Variants in PHC2 observed in about 807,000 individuals in gnomAD.
The protein encoded by PHC2 is polyhomeotic homolog 2.
In PHC2, 29 loss-of-function variants were observed where a neutral mutation model predicts 87.4. The ratio of observed to expected loss-of-function variants is 0.33; its 90% CI spans 0.25 to 0.45. The LOEUF (loss-of-function observed/expected upper bound fraction) is 0.45. Ranked by LOEUF, PHC2 falls within the 20% of genes least tolerant of loss-of-function variation. PHC2 has a pLI of 1.00. For synonymous variants in PHC2, 438 were observed against 461.7 expected (o/e 0.95, Z 0.66); for missense variants, 857 against 1,136.7 (o/e 0.75, Z 3.54).
Position 33,431,053 on chromosome 1 carries a change from G to A in PHC2, c.-132C>T, listed in dbSNP as rs117439736. On this transcript the variant is annotated 5_prime_UTR_variant, in exon 1 of 15. Transcript: ENST00000683057. ...GCCCCTCAGCCCGCCCCCTCGGCTC[G>A]GCGCCGCGCACCCTGCTGGCTGCTC... The A allele has an allele frequency of 0.21, 31,826 of 150,774 alleles. 5,658 individuals carry two copies. Among genetic ancestry groups the A allele is most frequent in the African/African-American group, 0.49 (20,395 of 41,436 alleles). 9.3% of individuals were successfully genotyped at this position (150,774 alleles called of 1,614,324 possible).
chr1:33,388,529 T>G (rs925341810), intron 1 of PHC2, among the ~76,000 whole-genome samples: 1 of 152,104 alleles, frequency 6.6e-6, no homozygotes, highest in Non-Finnish European at 1.5e-5. Flanking sequence ...TTCACCATGT[T>G]GGTCAGGCTG....
At position 33,364,356 on chromosome 1, in the gene PHC2, CCAGA is replaced by C. The variant is rs1207008906; in HGVS notation, c.976+2756_976+2759del. On this transcript the variant is annotated intron_variant, in intron 7 of 14. Coordinates refer to ENST00000683057, the MANE Select transcript of PHC2 (RefSeq NM_001385109.1). The surrounding 1 kb of genome is among the most constrained non-coding windows in gnomAD (Gnocchi z 4.1). ...TGCGCGCTCGCTTGCTTTCTCTCTC[CCAGA>C]CACACACACACACACACACACACTT... Among the ~76,000 whole-genome samples, 3 of 117,670 alleles carry C rather than the reference CCAGA, an allele frequency of 2.5e-5. No individual in the cohort carries two copies. The highest frequency in any genetic ancestry group is 8.7e-5 in the African/African-American group (3 of 34,666). The allele number at this position is 117,670 out of a possible 152,430, so 77.2% of individuals were successfully genotyped here.
chr1:33,391,999 C>T lies in PHC2; in HGVS notation c.-54-16406G>A, dbSNP rs534771900. 7.1e-4 allele frequency among the ~76,000 whole-genome samples: 108 copies of T among 152,138 alleles called. 1 individual carries two copies. Among genetic ancestry groups the T allele is most frequent in the Non-Finnish European group, 1.0e-4 (7 of 68,022 alleles). ...GGGAGGTTAGAGGCGAGAAAGCCAC[C>T]TGGGGCTAGCACAGAGGGAAAGGAA... On this transcript the variant is annotated intron_variant, in intron 1 of 14. Transcript: ENST00000683057.
At chr1:33,343,297 G>A (rs1023539221) in intron 9 of PHC2, among the ~76,000 whole-genome samples, 1 of 149,102 alleles carries the variant, frequency 6.7e-6, no homozygotes, top group African/African-American at 2.4e-5. Context: ...CCTGTCTCTA[G>A]TAAAAATACA....
At chr1:33,412,924 C>T (rs1650039908) in intron 1 of PHC2, among the ~76,000 whole-genome samples, 1 of 151,908 alleles carries the variant, frequency 6.6e-6, no homozygotes, top group African/African-American at 2.4e-5. Flanking sequence ...GGGTTATCAT[C>T]AGGGACCTTA....
At chr1:33,426,444 G>C (rs1650674902) in intron 1 of PHC2, among the ~76,000 whole-genome samples, 1 of 152,066 alleles carries the variant, frequency 6.6e-6, no homozygotes, top group African/African-American at 2.4e-5. Context: ...GTTGAAAAAT[G>C]GTCTCCATAT....
intron 1 of PHC2, among the ~76,000 whole-genome samples, chr1:33,415,861 G>C (rs1650180887): frequency 6.6e-6 from 1 of 152,116 alleles, no homozygotes; most frequent in Non-Finnish European, 1.5e-5. Flanking sequence ...TACAACATCT[G>C]AAACCAAAAA....
At chr1:33,408,076 C>T (rs1404958596) in intron 1 of PHC2, among the ~76,000 whole-genome samples, 1 of 152,076 alleles carries the variant, frequency 6.6e-6, no homozygotes, top group African/African-American at 2.4e-5. Flanking sequence ...ATTTTGTTAC[C>T]TTTTTAGTAC....
At chr1:33,387,557 G>A (rs1240551314) in intron 1 of PHC2, among the ~76,000 whole-genome samples, 1 of 152,176 alleles carries the variant, frequency 6.6e-6, no homozygotes, top group East Asian at 1.9e-4. Flanking sequence ...GCCATTTATT[G>A]CTTGCTCAGG....
At chr1:33,342,533 G>A (rs1225931546) in intron 9 of PHC2, among the ~76,000 whole-genome samples, 1 of 137,164 alleles carries the variant, frequency 7.3e-6, no homozygotes, top group Non-Finnish European at 1.6e-5. Context: ...CCCACCCCAT[G>A]CAGTTCAGGA....
chr1:33,372,713 C>T (rs377722140), intron 2 of PHC2, among the ~76,000 whole-genome samples: 4 of 152,206 alleles, frequency 2.6e-5, no homozygotes, highest in Admixed American at 6.5e-5. Context: ...TCAACTGCCT[C>T]GGTGAGGAGA....
In PHC2 at chr1:33,368,731, G is replaced by A. The variant is rs1346693616; in HGVS notation, c.577-109C>T. 1.6e-5 allele frequency: 12 copies of A among 771,310 alleles called. No homozygotes were observed. The highest frequency in any genetic ancestry group is 2.5e-5 in the Non-Finnish European group (11 of 443,682). The allele number at this position is 771,310 out of a possible 1,614,324, so 47.8% of individuals were successfully genotyped here. A position where few individuals can be genotyped will look rare whatever the true frequency, so the allele number is the denominator to read the frequency against. On this transcript the variant is annotated intron_variant, in intron 5 of 14. Coordinates refer to ENST00000683057, the MANE Select transcript of PHC2 (RefSeq NM_001385109.1). This position sits in a 1 kb window ranked among gnomAD's most constrained non-coding sequence, Gnocchi z 6.6. ...GAGGCGCCTTTTACCTGCTCGATGT[G>A]GACTCAGCCACAGGACACAACTGTT...
At position 33,425,608 on chromosome 1, in the gene PHC2, G is replaced by A. The variant is rs560649326; in HGVS notation, c.-55+5368C>T. On this transcript the variant is annotated intron_variant, in intron 1 of 14. Transcript: ENST00000683057. ...ATTCTTAAAAAGCAAGCTGGGAAATGCCTTCTGAGAGGTAATGCTTGAATT... is the reference window on the plus strand; with the variant it reads ...ATTCTTAAAAAGCAAGCTGGGAAATACCTTCTGAGAGGTAATGCTTGAATT... Among the ~76,000 whole-genome samples, 394 of 152,334 alleles carry A rather than the reference G, an allele frequency of 2.6e-3. 1 individual carries two copies. The highest frequency in any genetic ancestry group is 9.2e-3 in the African/African-American group (381 of 41,580).
chr1:33,334,357 G>T lies in PHC2; in HGVS notation c.1559-65C>A. On this transcript the variant is annotated intron_variant, in intron 9 of 14. Transcript: ENST00000683057. The surrounding 1 kb of genome is among the most constrained non-coding windows in gnomAD (Gnocchi z 5.5). The stretch of plus-strand genomic sequence containing the variant: ...AGAACCAGAGTCCACGCCCAGGGAG[G>T]GACAGCAAGGACTCAAACTGCGCCC... The T allele has an allele frequency of 2.1e-6, 3 of 1,439,094 alleles. No individual in the cohort carries two copies. The highest frequency in any genetic ancestry group is 2.9e-6 in the Non-Finnish European group (3 of 1,035,792). The allele number at this position is 1,439,094 out of a possible 1,614,324, so 89.1% of individuals were successfully genotyped here.
chr1:33,331,082 T>C lies in PHC2; in HGVS notation c.2006+266A>G, dbSNP rs764293028. ...GGCTGTCAATGCTAGGAAAGGCGAA[T>C]GGGTGCCAGTGGAGCCCAGGAGGGC... On this transcript the variant is annotated intron_variant, in intron 12 of 14. Coordinates refer to ENST00000683057, the MANE Select transcript of PHC2 (RefSeq NM_001385109.1). The surrounding 1 kb of genome is among the most constrained non-coding windows in gnomAD (Gnocchi z 5.2). 1.3e-4 allele frequency among the ~76,000 whole-genome samples: 20 copies of C among 152,164 alleles called. No homozygotes were observed. The highest frequency in any genetic ancestry group is 1.0e-4 in the Non-Finnish European group (7 of 68,026).
intron 7 of PHC2, 128 bp downstream of exon 7, chr1:33,366,988 G>A (rs1557835725): frequency 2.4e-6 from 2 of 823,008 alleles, no homozygotes; most frequent in South Asian, 1.7e-5. Context: ...GAGATAGGGA[G>A]GGAGGAGAGA....
At position 33,324,690 on chromosome 1, in the gene PHC2, A is replaced by C. The variant is rs750642528; in HGVS notation, c.*175T>G. ...CTACCTCTCTGCCCCTCCCACAGAAATGAAAGGCCCCTGAGAGCCATGGAG... is the reference window on the plus strand; with the variant it reads ...CTACCTCTCTGCCCCTCCCACAGAACTGAAAGGCCCCTGAGAGCCATGGAG... On this transcript the variant is annotated 3_prime_UTR_variant, in exon 15 of 15. Coordinates refer to ENST00000683057, the MANE Select transcript of PHC2 (RefSeq NM_001385109.1). 7.3e-6 allele frequency: 4 copies of C among 548,422 alleles called. No individual in the cohort carries two copies. Among genetic ancestry groups the C allele is most frequent in the Non-Finnish European group, 1.2e-5 (4 of 323,298 alleles). The allele number at this position is 548,422 out of a possible 1,614,324, so 34.0% of individuals were successfully genotyped here.
Position 33,349,467 on chromosome 1 carries a change from T to C in PHC2, c.1558+4934A>G. The C allele has an allele frequency of 2.0e-6, 2 of 985,156 alleles. No homozygotes were observed. Among genetic ancestry groups the C allele is most frequent in the Non-Finnish European group, 2.4e-6 (2 of 829,856 alleles). 61.0% of individuals were successfully genotyped at this position (985,156 alleles called of 1,614,324 possible). ...GCGCCGCGCGGACGAGAGCCGCGACTGGCACGGCCTGGCAGCCGCGTAGGC... is the reference window on the plus strand; with the variant it reads ...GCGCCGCGCGGACGAGAGCCGCGACCGGCACGGCCTGGCAGCCGCGTAGGC... On this transcript the variant is annotated intron_variant, in intron 9 of 14. Transcript: ENST00000683057. This position sits in a 1 kb window ranked among gnomAD's most constrained non-coding sequence, Gnocchi z 4.2.
Position 33,364,832 on chromosome 1 carries a change from C to G in PHC2, c.976+2284G>C, listed in dbSNP as rs773402296. On this transcript the variant is annotated intron_variant, in intron 7 of 14. Coordinates refer to ENST00000683057, the MANE Select transcript of PHC2 (RefSeq NM_001385109.1). This position sits in a 1 kb window ranked among gnomAD's most constrained non-coding sequence, Gnocchi z 4.1. ...CTCCATAGAAAGTTCTGTGGAGCCA[C>G]TGGTCTCTGTACTGCATTCTAGCCA... is the stretch of plus-strand genomic sequence containing the variant. Among the ~76,000 whole-genome samples the G allele has an allele frequency of 6.6e-6, 1 of 152,194 alleles. No homozygotes were observed. Among genetic ancestry groups the G allele is most frequent in the African/African-American group, 2.4e-5 (1 of 41,446 alleles).
Sources: allele counts gnomAD v4.1 joint callset (sites outside exome capture counted in the v4.1 genomes callset), GRCh38; gene constraint gnomAD v4.1.1; non-coding constraint Gnocchi (gnomAD v3.1); transcripts MANE v1.5; gene names NCBI Gene and HGNC (gene_info 2026-07-23, HGNC 2026-07-21).